The following SETX variants were observed in gnomAD, a reference collection of about 807,000 sequenced individuals.
SETX encodes the protein senataxin.
A neutral mutation model predicts 227.2 loss-of-function variants in SETX; 90 were observed. The ratio of observed to expected loss-of-function variants is 0.40; its 90% CI spans 0.33 to 0.47. The LOEUF is 0.47. SETX is among the 20% of genes least tolerant of loss of function. The pLI, the probability that SETX is intolerant of heterozygous loss-of-function variation, is 0.91. For synonymous variants in SETX, 1,210 were observed against 1,113.2 expected, an observed-to-expected ratio of 1.09 and a Z score of -1.73; for missense variants, 3,052 against 3,181.5, an observed-to-expected ratio of 0.96 and a Z score of 0.98.
At chr9:132,276,972 T>C in intron 22 of SETX, 88 bp downstream of exon 22, 1 of 1,129,034 alleles carries the variant, frequency 8.9e-7, no homozygotes, top group Non-Finnish European at 1.3e-6. Context: ...GAGAGATGTG[T>C]ATAGGAAATG....
intron 11 of SETX, among the ~76,000 whole-genome samples, chr9:132,301,483 A>G (rs1256922763): frequency 1.3e-5 from 2 of 152,152 alleles, no homozygotes; most frequent in African/African-American, 2.4e-5. Context: ...TACACCGCAT[A>G]ATGATGTTGT....
chr9:132,291,285 G>A (rs1266297966), intron 15 of SETX, among the ~76,000 whole-genome samples: 3 of 147,112 alleles, frequency 2.0e-5, no homozygotes, highest in African/African-American at 7.6e-5. Flanking sequence ...TCCTGCCTCA[G>A]CCTTCCGAAT....
intron 20 of SETX, among the ~76,000 whole-genome samples, chr9:132,279,188 C>G (rs1843353979): frequency 6.6e-6 from 1 of 151,940 alleles, no homozygotes; most frequent in Non-Finnish European, 1.5e-5. Flanking sequence ...ACCTAAGTGA[C>G]AAGTGGGATA....
intron 5 of SETX, among the ~76,000 whole-genome samples, chr9:132,341,094 C>T (rs1847929200): frequency 1.3e-5 from 2 of 152,116 alleles, no homozygotes. Context: ...CACCTGTTAT[C>T]TCAGCACTTT....
intron 15 of SETX, among the ~76,000 whole-genome samples, chr9:132,291,390 T>C (rs1402652044): frequency 6.6e-6 from 1 of 151,970 alleles, no homozygotes; most frequent in Non-Finnish European, 1.5e-5. Context: ...ATGGTGTTGA[T>C]CTCCTGACCT....
intron 15 of SETX, among the ~76,000 whole-genome samples, chr9:132,290,952 T>C (rs1844262269): frequency 6.7e-6 from 1 of 149,234 alleles, no homozygotes; most frequent in African/African-American, 2.6e-5. Flanking sequence ...CAGTTATTTG[T>C]TTACTGTCTA....
At chr9:132,286,251 C>T (rs1398143244) in intron 18 of SETX, among the ~76,000 whole-genome samples, 172 bp downstream of exon 18, 2 of 150,610 alleles carry the variant, frequency 1.3e-5, no homozygotes, top group Admixed American at 6.6e-5. Context: ...ACATGGGAGA[C>T]TGAGGTTGCA....
chr9:132,328,676 A>T lies in SETX; in HGVS notation c.2922T>A (p.Ile974=). 6.2e-7 allele frequency: 1 copy of T among 1,613,746 alleles called. No homozygotes were observed. The highest frequency in any genetic ancestry group is 8.5e-7 in the Non-Finnish European group (1 of 1,179,818). The change falls in exon 10 of 26, where the codon ATT becomes ATA. Residue 974 remains isoleucine (I), a synonymous_variant. Coordinates refer to ENST00000224140, the MANE Select transcript of SETX (RefSeq NM_015046.7). ...KLSLLAQASV[I]TFPSDSPQNS... The stretch of plus-strand genomic sequence containing the variant: ...TCTGAGGTGAATCGGATGGGAACGT[A>T]ATAACACTGGCTTGAGCTAGTAAAG...
chr9:132,335,309 T>C (rs1208914707), intron 6 of SETX, among the ~76,000 whole-genome samples: 4 of 139,454 alleles, frequency 2.9e-5, no homozygotes, highest in South Asian at 2.3e-4. Flanking sequence ...GAGAATGGCG[T>C]GAACCCAGGA....
chr9:132,299,843 A>C (rs192338293), intron 12 of SETX, among the ~76,000 whole-genome samples: 1 of 152,036 alleles, frequency 6.6e-6, no homozygotes, highest in South Asian at 2.1e-4. Flanking sequence ...ATAAATGTAC[A>C]TAAGAAGGAC....
intron 9 of SETX, 75 bp downstream of exon 9, chr9:132,330,977 C>CA: frequency 8.3e-7 from 1 of 1,211,528 alleles, no homozygotes; most frequent in South Asian, 1.2e-5. Context: ...ATCTGCAACT[C>CA]AACAAATTAT....
intron 7 of SETX, among the ~76,000 whole-genome samples, chr9:132,334,320 C>T (rs1483218431): frequency 1.3e-5 from 2 of 152,024 alleles, no homozygotes; most frequent in Non-Finnish European, 2.9e-5. Flanking sequence ...TGGTGGTGCA[C>T]GCCTGTAGTC....
intron 2 of SETX, among the ~76,000 whole-genome samples, chr9:132,352,464 A>T (rs574836196): frequency 4.6e-5 from 7 of 152,240 alleles, no homozygotes; most frequent in Non-Finnish European, 1.0e-4. Context: ...TGTAAAACTT[A>T]ATGCAGGCAG....
rs140147684 is a variant in SETX, at chr9:132,327,502, A to G, written c.4096T>C (p.Ser1366Pro). The G allele has an allele frequency of 3.9e-4, 627 of 1,614,016 alleles. 1 individual carries two copies. Among genetic ancestry groups the G allele is most frequent in the Non-Finnish European group, 4.9e-4 (578 of 1,180,054 alleles). The change falls in exon 10 of 26, where the codon TCT becomes CCT. Residue 1366 changes from serine to proline, a missense_variant. By Grantham distance (74) the Ser-to-Pro change is moderately conservative. Coordinates refer to ENST00000224140, the MANE Select transcript of SETX (RefSeq NM_015046.7). The part of the protein sequence containing the change: ...PKSQKNRRRL[S>P]DCESTDVKRA... ...TTAACATCTGTACTTTCACAATCAGAAAGTCTTCGTCTATTTTTTTGTGAT... is the reference window on the plus strand; with the variant it reads ...TTAACATCTGTACTTTCACAATCAGGAAGTCTTCGTCTATTTTTTTGTGAT...
chr9:132,338,484 G>C (rs771712574), intron 5 of SETX, among the ~76,000 whole-genome samples: 1 of 152,142 alleles, frequency 6.6e-6, no homozygotes, highest in Non-Finnish European at 1.5e-5. Context: ...CCAGATTAAA[G>C]AGGACTAAAT....
chr9:132,292,537 A>G (rs866877347), intron 15 of SETX, among the ~76,000 whole-genome samples: 4 of 151,966 alleles, frequency 2.6e-5, no homozygotes, highest in Non-Finnish European at 5.9e-5. Context: ...GACAACAAAT[A>G]CAATACTAAT....
intron 18 of SETX, among the ~76,000 whole-genome samples, chr9:132,284,725 G>A (rs944531583): frequency 6.6e-6 from 1 of 152,156 alleles, no homozygotes; most frequent in African/African-American, 2.4e-5. Context: ...AAATATCAAA[G>A]TGCTGTACTT....
At chr9:132,313,070 C>T (rs1296649799) in intron 10 of SETX, among the ~76,000 whole-genome samples, 1 of 151,998 alleles carries the variant, frequency 6.6e-6, no homozygotes, top group East Asian at 1.9e-4. Context: ...GTGTTTGACT[C>T]GGGCTAGTGG....
intron 25 of SETX, among the ~76,000 whole-genome samples, chr9:132,266,542 C>T (rs1003225904): frequency 6.6e-6 from 1 of 152,178 alleles, no homozygotes; most frequent in East Asian, 1.9e-4. Context: ...GAGGCTGAGG[C>T]GGGCGGATCA....
Sources: gnomAD v4.1 joint callset for allele counts (sites outside exome capture counted in the v4.1 genomes callset) on GRCh38, gnomAD v4.1.1 for gene constraint, MANE v1.5 for transcripts, NCBI Gene and HGNC (gene_info 2026-07-23, HGNC 2026-07-21) for gene names.